Variants in NBAS observed in about 807,000 individuals in gnomAD.
The protein encoded by NBAS is NAG/BC035112 fusion.
NBAS carries 219 observed loss-of-function variants against 302.5 expected under a neutral mutation model. The ratio of observed to expected loss-of-function variants is 0.72; its 90% CI spans 0.65 to 0.81. The LOEUF is 0.81. Ranked by LOEUF, NBAS falls within the 30% of genes least tolerant of loss-of-function variation. NBAS has a pLI of 0.00. For missense variants in NBAS, 2,932 were observed against 2,841.6 expected, an observed-to-expected ratio of 1.03 and a Z score of -0.72; for synonymous variants, 1,118 against 1,021.6, an observed-to-expected ratio of 1.09 and a Z score of -1.80.
chr2:15,377,226 C>T (rs1674786485), intron 30 of NBAS, among the ~76,000 whole-genome samples: 1 of 151,908 alleles, frequency 6.6e-6, no homozygotes, highest in Non-Finnish European at 1.5e-5. Context: ...ATGAACACCC[C>T]AAAAGAAAAA....
the NBAS span, among the ~76,000 whole-genome samples, chr2:14,923,116 C>T: frequency 6.6e-6 from 1 of 152,196 alleles, no homozygotes; most frequent in East Asian, 1.9e-4. Context: ...TGCGCAACTG[C>T]ACTCTAGTCT....
At chr2:15,327,571 C>T (rs1351939633) in intron 38 of NBAS, among the ~76,000 whole-genome samples, 179 bp downstream of exon 38, 1 of 152,116 alleles carries the variant, frequency 6.6e-6, no homozygotes, top group Non-Finnish European at 1.5e-5. Flanking sequence ...AGCAGGTTCT[C>T]AATAAGTGTT....
the NBAS span, among the ~76,000 whole-genome samples, chr2:15,037,667 T>C: frequency 6.6e-6 from 1 of 152,234 alleles, no homozygotes; most frequent in African/African-American, 2.4e-5. Context: ...TACAGTACCA[T>C]GGAATCTAGA....
At chr2:14,808,142 CTA>C in the NBAS span, among the ~76,000 whole-genome samples, 1 of 152,150 alleles carries the variant, frequency 6.6e-6, no homozygotes, top group Non-Finnish European at 1.5e-5. Context: ...TTATTTAATG[CTA>C]TGACAACCAC....
chr2:14,930,406 G>A, the NBAS span, among the ~76,000 whole-genome samples: 2 of 152,212 alleles, frequency 1.3e-5, no homozygotes, highest in African/African-American at 4.8e-5. Context: ...TTTTGACTTA[G>A]ATTGAACTGA....
At chr2:15,233,279 G>A (rs1002096313) in intron 46 of NBAS, among the ~76,000 whole-genome samples, 1 of 152,106 alleles carries the variant, frequency 6.6e-6, no homozygotes, top group African/African-American at 2.4e-5. Flanking sequence ...TTTATTGAAT[G>A]TCTTCTGTGT....
chr2:15,044,499 C>CTCAGCT, the NBAS span, among the ~76,000 whole-genome samples: 1 of 152,188 alleles, frequency 6.6e-6, no homozygotes, highest in Non-Finnish European at 1.5e-5. Flanking sequence ...TGACAAGGGG[C>CTCAGCT]TCAGCAGAGT....
chr2:14,997,262 G>A, the NBAS span, among the ~76,000 whole-genome samples: 6 of 152,178 alleles, frequency 3.9e-5, no homozygotes, highest in East Asian at 1.9e-4. Context: ...AACAAAGCCC[G>A]ATTACATGAG....
intron 47 of NBAS, among the ~76,000 whole-genome samples, chr2:15,228,675 C>T (rs1667245859): frequency 6.6e-6 from 1 of 152,092 alleles, no homozygotes; most frequent in South Asian, 2.1e-4. Context: ...CTGTCATTTG[C>T]AGTAACATGG....
At chr2:15,314,423 A>G (rs1261517839) in intron 38 of NBAS, among the ~76,000 whole-genome samples, 1 of 152,170 alleles carries the variant, frequency 6.6e-6, no homozygotes, top group African/African-American at 2.4e-5. Context: ...TAGTTACCTA[A>G]AGCCAATAAA....
chr2:15,039,836 C>A, the NBAS span, among the ~76,000 whole-genome samples: 3 of 152,244 alleles, frequency 2.0e-5, no homozygotes, highest in Non-Finnish European at 4.4e-5. Context: ...CATCTCCTGA[C>A]TTGTCTTCAT....
intron 43 of NBAS, among the ~76,000 whole-genome samples, 193 bp from the exon 44 acceptor site, chr2:15,276,011 C>T (rs897603487): frequency 2.6e-5 from 4 of 152,118 alleles, no homozygotes; most frequent in East Asian, 1.9e-4. Flanking sequence ...GAAACTTATT[C>T]GGCTTTGTGA....
chr2:14,959,251 T>C, the NBAS span, among the ~76,000 whole-genome samples: 1 of 152,200 alleles, frequency 6.6e-6, no homozygotes, highest in African/African-American at 2.4e-5. Flanking sequence ...GTAAAGCCCA[T>C]AATGCACCAG....
chr2:15,463,671 A>G (rs537523029), intron 19 of NBAS, among the ~76,000 whole-genome samples: 1 of 151,790 alleles, frequency 6.6e-6, no homozygotes, highest in South Asian at 2.1e-4. Context: ...CCCAGCTATG[A>G]TCCCTGAACA....
At chr2:15,178,036 C>T in intron 51 of NBAS, 5 of 373,434 alleles carry the variant, frequency 1.3e-5, no homozygotes, top group East Asian at 7.6e-5. Context: ...TTTCTGTATC[C>T]TTTGTCATTA....
At chr2:14,881,319 G>A in the NBAS span, among the ~76,000 whole-genome samples, 2 of 152,092 alleles carry the variant, frequency 1.3e-5, no homozygotes, top group East Asian at 3.9e-4. Context: ...GGTACACATA[G>A]ACATAAAATC....
At position 15,424,314 on chromosome 2, in the gene NBAS, C is replaced by T. The variant is rs1677354878; in HGVS notation, c.2577+1G>A. 6 of 1,614,064 alleles carry T rather than the reference C, an allele frequency of 3.7e-6. No homozygotes were observed. Among genetic ancestry groups the T allele is most frequent in the Non-Finnish European group, 5.1e-6 (6 of 1,179,950 alleles). On this transcript the variant is annotated splice_donor_variant, in intron 23 of 51. Transcript: ENST00000281513. LOFTEE classifies it high-confidence loss of function. ...GAGCAGCAGCTGCCATTTCCCCTCA[C>T]CTGCCGAGCATAATGCTCTATTTCC...
At chr2:14,890,258 A>G in the NBAS span, among the ~76,000 whole-genome samples, 1 of 152,228 alleles carries the variant, frequency 6.6e-6, no homozygotes, top group Non-Finnish European at 1.5e-5. Context: ...TTCATTTTAC[A>G]AAAGAGATAA....
chr2:14,816,216 C>G, the NBAS span, among the ~76,000 whole-genome samples: 2 of 152,340 alleles, frequency 1.3e-5, no homozygotes. Context: ...CTGTCAGGAA[C>G]CGGACCACAG....
Sources: allele counts gnomAD v4.1 joint callset (sites outside exome capture counted in the v4.1 genomes callset), GRCh38; gene constraint gnomAD v4.1.1; transcripts MANE v1.5; gene names NCBI Gene and HGNC (gene_info 2026-07-23, HGNC 2026-07-21).